Variants in NDUFAF6 observed in about 807,000 individuals in gnomAD.
NDUFAF6 encodes NADH:ubiquinone oxidoreductase complex assembly factor 6.
NDUFAF6 carries 45 observed loss-of-function variants against 40.8 expected under a neutral mutation model. That is an observed-to-expected ratio of 1.10 (90% CI 0.87 to 1.42). The LOEUF (loss-of-function observed/expected upper bound fraction) is 1.42. Among genes scored for constraint, NDUFAF6 ranks in the 40% most tolerant of loss-of-function variants. NDUFAF6 has a pLI of 0.00. For missense variants in NDUFAF6, 435 were observed against 418.5 expected (o/e 1.04, Z -0.34); for synonymous variants, 185 against 155.9 (o/e 1.19, Z -1.39).
chr8:94,934,294 T>C (rs1326174555), intron 1 of NDUFAF6, among the ~76,000 whole-genome samples: 1 of 152,182 alleles, frequency 6.6e-6, no homozygotes, highest in Non-Finnish European at 1.5e-5. Flanking sequence ...TGTAGTAAAT[T>C]CTTTTGCAAA....
chr8:94,950,337 G>A (rs1822480384), intron 2 of NDUFAF6: 2 of 152,308 alleles, frequency 1.3e-5, no homozygotes, highest in Non-Finnish European at 2.9e-5. Context: ...CATATAGGTG[G>A]ATTAACTGTC....
chr8:95,046,124 A>G (rs186765658), intron 5 of NDUFAF6, among the ~76,000 whole-genome samples: 1,946 of 151,906 alleles, frequency 0.013, 31 homozygotes, highest in African/African-American at 0.044. Context: ...GCAGTGGCTC[A>G]ATCTCGGCTC....
At chr8:94,997,343 C>CACACACAGAGAGAGAG (rs1242904810) in intron 2 of NDUFAF6, among the ~76,000 whole-genome samples, 1 of 90,514 alleles carries the variant, frequency 1.1e-5, no homozygotes, top group African/African-American at 4.5e-5. Flanking sequence ...CACACACACA[C>CACACACAGAGAGAGAG]AGAGAGAGAG....
upstream of NDUFAF6, among the ~76,000 whole-genome samples, chr8:94,955,119 CAAT>C (rs1442503886): frequency 2.6e-5 from 4 of 152,204 alleles, no homozygotes; most frequent in Admixed American, 1.3e-4. Context: ...CTCGGAGAGA[CAAT>C]AAAGGCAGAA....
At chr8:95,059,372 A>G (rs1368190973), downstream of NDUFAF6, among the ~76,000 whole-genome samples, 1 of 152,116 alleles carries the variant, frequency 6.6e-6, no homozygotes, top group Non-Finnish European at 1.5e-5. Flanking sequence ...CATCACCCCC[A>G]CCACACACCT....
intron 2 of NDUFAF6, among the ~76,000 whole-genome samples, chr8:95,017,247 G>T (rs1827501170): frequency 6.6e-6 from 1 of 151,850 alleles, no homozygotes; most frequent in East Asian, 1.9e-4. Flanking sequence ...CGCCCATCTG[G>T]TGCTTCTTAA....
At chr8:95,037,538 A>G (rs1291172445) in intron 3 of NDUFAF6, among the ~76,000 whole-genome samples, 2 of 152,246 alleles carry the variant, frequency 1.3e-5, no homozygotes, top group African/African-American at 2.4e-5. Flanking sequence ...AGAGAGGCCT[A>G]TGGGGAGAGT....
In NDUFAF6 at chr8:95,045,776, G is replaced by GT. The variant is rs143855425; in HGVS notation, c.580+137dup. 5.8e-4 allele frequency: 385 copies of GT among 662,918 alleles called. 6 individuals are homozygous for GT. Among genetic ancestry groups the GT allele is most frequent in the Middle Eastern group, 1.2e-3 (3 of 2,478 alleles). 41.1% of individuals were successfully genotyped at this position (662,918 alleles called of 1,614,324 possible). Reference sequence around the variant, plus strand: ...CCTTTATACTATCTGTAAAGGAACAGTTTTTTTTGTTATTATTATTAGCAA... The same window carrying GT: ...CCTTTATACTATCTGTAAAGGAACAGTTTTTTTTTGTTATTATTATTAGCAA... On this transcript the variant is annotated intron_variant, in intron 5 of 8. Transcript: ENST00000396124.
At chr8:94,902,108 A>G (rs1818057870) in intron 1 of NDUFAF6, among the ~76,000 whole-genome samples, 1 of 152,122 alleles carries the variant, frequency 6.6e-6, no homozygotes, top group Non-Finnish European at 1.5e-5. Flanking sequence ...TAGCATGCCT[A>G]GCATTAACAG....
At chr8:95,020,464 A>G (rs1448999765), upstream of NDUFAF6, among the ~76,000 whole-genome samples, 1 of 152,188 alleles carries the variant, frequency 6.6e-6, no homozygotes, top group East Asian at 1.9e-4. Flanking sequence ...GTGCCTTGTT[A>G]TAAATGAGAA....
chr8:94,970,126 G>C (rs544228723), intron 1 of NDUFAF6, among the ~76,000 whole-genome samples: 2 of 151,708 alleles, frequency 1.3e-5, no homozygotes, highest in Admixed American at 1.3e-4. Context: ...GTGGTGGCAC[G>C]CACCTGTAGT....
intron 1 of NDUFAF6, among the ~76,000 whole-genome samples, chr8:94,979,346 G>C (rs972477388): frequency 6.6e-6 from 1 of 152,164 alleles, no homozygotes; most frequent in African/African-American, 2.4e-5. Flanking sequence ...CTTGACTTGT[G>C]CTTTCCTATC....
At chr8:94,903,059 G>T (rs1013779450) in intron 1 of NDUFAF6, among the ~76,000 whole-genome samples, 9 of 152,112 alleles carry the variant, frequency 5.9e-5, no homozygotes, top group Admixed American at 2.6e-4. Flanking sequence ...CACAGGGTAG[G>T]TATATATTTT....
At chr8:94,933,090 T>C (rs1820584924) in intron 1 of NDUFAF6, among the ~76,000 whole-genome samples, 1 of 151,990 alleles carries the variant, frequency 6.6e-6, no homozygotes, top group Non-Finnish European at 1.5e-5. Context: ...TGGTGGCATG[T>C]GCCAGTAATC....
intron 1 of NDUFAF6, among the ~76,000 whole-genome samples, chr8:94,958,381 T>G (rs921972117): frequency 6.6e-6 from 1 of 152,134 alleles, no homozygotes; most frequent in Non-Finnish European, 1.5e-5. Context: ...CTTCTCCCTG[T>G]GTGCCCACAT....
intron 2 of NDUFAF6, among the ~76,000 whole-genome samples, chr8:94,997,078 T>C (rs1212626268): frequency 6.6e-6 from 1 of 152,170 alleles, no homozygotes; most frequent in East Asian, 1.9e-4. Flanking sequence ...AAAGAACTTA[T>C]GTTCAGGAAA....
At chr8:95,066,313 G>C (rs951985141) in intron 9 of NDUFAF6, among the ~76,000 whole-genome samples, 3 of 112,364 alleles carry the variant, frequency 2.7e-5, no homozygotes, top group African/African-American at 1.2e-4. Flanking sequence ...TTTTTTTTGA[G>C]AGACAGGGTC....
chr8:94,896,036 C>T, intron 1 of NDUFAF6: 1 of 149,626 alleles, frequency 6.7e-6, no homozygotes, highest in Non-Finnish European at 1.5e-5. Flanking sequence ...TGGCCTCCAG[C>T]TGCCACCCCG....
chr8:94,927,664 ACAT>A (rs1355583574), intron 1 of NDUFAF6: 3 of 152,158 alleles, frequency 2.0e-5, no homozygotes, highest in African/African-American at 7.2e-5. Context: ...AAAAAAATAA[ACAT>A]AAGATATATA....
Sources: allele counts gnomAD v4.1 joint callset (sites outside exome capture counted in the v4.1 genomes callset), GRCh38; gene constraint gnomAD v4.1.1; transcripts MANE v1.5; gene names NCBI Gene and HGNC (gene_info 2026-07-23, HGNC 2026-07-21).